DSCAM: variants seen among roughly 807,000 people sequenced by gnomAD.
The protein encoded by DSCAM is cell adhesion molecule DSCAM.
Under a neutral mutation model 217.7 loss-of-function variants are expected in DSCAM, and 47 were observed. The ratio of observed to expected loss-of-function variants is 0.22; its 90% CI spans 0.17 to 0.28. The LOEUF (loss-of-function observed/expected upper bound fraction) is 0.28, where lower values mean the gene tolerates loss of function less well. Ranked by LOEUF, DSCAM falls within the 10% of genes least tolerant of loss-of-function variation. The pLI, the probability that DSCAM is intolerant of heterozygous loss-of-function variation, is 1.00. For missense variants in DSCAM, 2,080 were observed against 2,618.3 expected, an observed-to-expected ratio of 0.79 and a Z score of 4.49; for synonymous variants, 1,056 against 1,015.3, an observed-to-expected ratio of 1.04 and a Z score of -0.76.
intron 20 of DSCAM, among the ~76,000 whole-genome samples, chr21:40,109,290 CA>C (rs1266861684): frequency 2.0e-5 from 3 of 150,144 alleles, no homozygotes; most frequent in African/African-American, 7.3e-5. Context: ...GAAACGTAAA[CA>C]AATTTACAAG....
At chr21:40,335,334 A>C (rs1273623922) in intron 8 of DSCAM, among the ~76,000 whole-genome samples, 1 of 152,212 alleles carries the variant, frequency 6.6e-6, no homozygotes, top group East Asian at 1.9e-4. Context: ...TCAGAAGAAA[A>C]GAAGCTCCTG....
At chr21:40,405,911 C>T (rs1440217020) in intron 3 of DSCAM, among the ~76,000 whole-genome samples, 1 of 152,124 alleles carries the variant, frequency 6.6e-6, no homozygotes, top group Admixed American at 6.6e-5. Context: ...GCATGAGAAT[C>T]GCTTGATCCT....
At chr21:40,806,165 G>A (rs745666630) in intron 1 of DSCAM, among the ~76,000 whole-genome samples, 4 of 152,194 alleles carry the variant, frequency 2.6e-5, no homozygotes, top group Non-Finnish European at 5.9e-5. Flanking sequence ...CTATGAGGCT[G>A]GCCCTTCTTT....
chr21:40,640,433 C>G (rs2089863780), intron 3 of DSCAM, among the ~76,000 whole-genome samples: 1 of 152,212 alleles, frequency 6.6e-6, no homozygotes, highest in Non-Finnish European at 1.5e-5. Flanking sequence ...TCCGCAGCTT[C>G]CTGTAAACGA....
intron 1 of DSCAM, among the ~76,000 whole-genome samples, chr21:40,817,447 A>G (rs1280598594): frequency 6.6e-6 from 1 of 152,222 alleles, no homozygotes; most frequent in Non-Finnish European, 1.5e-5. Flanking sequence ...GGGACTTCCA[A>G]GGGAAGCAGG....
intron 1 of DSCAM, among the ~76,000 whole-genome samples, chr21:40,756,643 C>T (rs572400169): frequency 5.3e-4 from 80 of 152,242 alleles, no homozygotes; most frequent in African/African-American, 1.8e-3. Context: ...CCACCCATCT[C>T]GGCCTCCCAA....
rs1017028020 is a variant in DSCAM, at chr21:40,230,965, C to G, written c.2357-41727G>C. 4.0e-5 allele frequency among the ~76,000 whole-genome samples: 6 copies of G among 151,780 alleles called. No homozygotes were observed. The East Asian group carries it at 9.7e-4, about 25-fold the overall frequency. The stretch of plus-strand genomic sequence containing the variant: ...GCATCCCTGCTCTGTTCTCTGGCTG[C>G]AGCATGCCCAATCCATTTCTCTGAA... On this transcript the variant is annotated intron_variant, in intron 11 of 32. Coordinates refer to ENST00000400454, the MANE Select transcript of DSCAM (RefSeq NM_001389.5).
intron 3 of DSCAM, among the ~76,000 whole-genome samples, chr21:40,378,006 T>C (rs2074980534): frequency 6.6e-6 from 1 of 152,106 alleles, no homozygotes. Context: ...TAATAAAATA[T>C]GATAAAATAT....
chr21:40,609,394 T>G (rs1422940249), intron 3 of DSCAM, among the ~76,000 whole-genome samples: 1 of 152,254 alleles, frequency 6.6e-6, no homozygotes, highest in Admixed American at 6.5e-5. Context: ...AAATTTGTAC[T>G]GGAGCAAGAT....
intron 32 of DSCAM, among the ~76,000 whole-genome samples, chr21:40,030,069 CACACAT>C (rs2088489812): frequency 6.6e-6 from 1 of 152,240 alleles, no homozygotes; most frequent in Admixed American, 6.5e-5. Flanking sequence ...TATATGTTGA[CACACAT>C]GCACATGTAC....
chr21:40,664,450 C>T (rs760755844), intron 3 of DSCAM, among the ~76,000 whole-genome samples: 2 of 152,316 alleles, frequency 1.3e-5, no homozygotes, highest in Middle Eastern at 3.4e-3. Context: ...AGAGGACCGA[C>T]AGGAGAGGAA....
At chr21:40,014,559 C>T in intron 32 of DSCAM, among the ~76,000 whole-genome samples, 1 of 152,174 alleles carries the variant, frequency 6.6e-6, no homozygotes, top group East Asian at 1.9e-4. Flanking sequence ...ATCTCCCTAA[C>T]AGGCATCCTT....
intron 16 of DSCAM, among the ~76,000 whole-genome samples, chr21:40,162,818 G>A (rs553051503): frequency 1.2e-4 from 18 of 152,126 alleles, no homozygotes; most frequent in African/African-American, 3.9e-4. Flanking sequence ...GATTTTTATT[G>A]CAAGTAATCA....
At chr21:40,241,731 G>C (rs1306103538) in intron 11 of DSCAM, among the ~76,000 whole-genome samples, 5 of 152,154 alleles carry the variant, frequency 3.3e-5, no homozygotes, top group African/African-American at 1.2e-4. Flanking sequence ...GAATAGAAAA[G>C]ATGTGGAATC....
intron 16 of DSCAM, among the ~76,000 whole-genome samples, chr21:40,148,385 G>A (rs2090383186): frequency 6.6e-6 from 1 of 152,002 alleles, no homozygotes. Context: ...AGCAGCCAGT[G>A]GTTGCAAGCT....
At chr21:40,672,371 A>G (rs555168713) in intron 3 of DSCAM, among the ~76,000 whole-genome samples, 1 of 152,298 alleles carries the variant, frequency 6.6e-6, no homozygotes, top group African/African-American at 2.4e-5. Flanking sequence ...GAAGCTGGAA[A>G]GAGAGGTCCC....
chr21:40,464,562 A>G (rs2075829439), intron 3 of DSCAM, among the ~76,000 whole-genome samples: 1 of 151,394 alleles, frequency 6.6e-6, no homozygotes, highest in African/African-American at 2.4e-5. Flanking sequence ...AGTCATTGCG[A>G]CTCTTCAGTT....
intron 10 of DSCAM, among the ~76,000 whole-genome samples, chr21:40,279,949 C>T (rs747790023): frequency 1.2e-4 from 18 of 151,850 alleles, no homozygotes; most frequent in Non-Finnish European, 1.9e-4. Flanking sequence ...ACATCACATA[C>T]TGGGGCCTGT....
rs186429777 is a variant in DSCAM at position 40,178,196 on chromosome 21, C to A, written c.2947+731G>T. 1.8e-3 allele frequency among the ~76,000 whole-genome samples: 272 copies of A among 152,238 alleles called. 4 individuals are homozygous for A. Among genetic ancestry groups the A allele is most frequent in the African/African-American group, 6.4e-3 (266 of 41,528 alleles). On this transcript the variant is annotated intron_variant, in intron 15 of 32. Transcript: ENST00000400454. Reference sequence around the variant, plus strand: ...TCTCTGCACACCTGTTAATTTCACCCCCCCGGAAACATGAGTGGCTCGCAG... The same window carrying A: ...TCTCTGCACACCTGTTAATTTCACCACCCCGGAAACATGAGTGGCTCGCAG...
Sources: gnomAD v4.1 joint callset for allele counts (sites outside exome capture counted in the v4.1 genomes callset) on GRCh38, gnomAD v4.1.1 for gene constraint, MANE v1.5 for transcripts, NCBI Gene and HGNC (gene_info 2026-07-23, HGNC 2026-07-21) for gene names.